Variants in DNM3 observed in about 807,000 individuals in gnomAD.
The protein encoded by DNM3 is dynamin 3, also known as dynamin-3.
A neutral mutation model predicts 101.6 loss-of-function variants in DNM3; 47 were observed. That is an observed-to-expected ratio of 0.46 (90% CI 0.37 to 0.59). DNM3 has a LOEUF of 0.59. DNM3 is among the 20% of genes least tolerant of loss of function. DNM3 has a pLI of 0.00. For missense variants in DNM3, 849 were observed against 1,085.7 expected, an observed-to-expected ratio of 0.78 and a Z score of 3.06; for synonymous variants, 385 against 387.9, an observed-to-expected ratio of 0.99 and a Z score of 0.09.
chr1:172,183,678 GCAGCCTC>G (rs2059421629), intron 14 of DNM3, among the ~76,000 whole-genome samples: 1 of 151,410 alleles, frequency 6.6e-6, no homozygotes, highest in Non-Finnish European at 1.5e-5. Flanking sequence ...ATGGCTTACT[GCAGCCTC>G]CACCTCCTGG....
intron 12 of DNM3, among the ~76,000 whole-genome samples, chr1:172,082,324 T>C (rs2053215938): frequency 6.7e-6 from 1 of 148,750 alleles, no homozygotes; most frequent in African/African-American, 2.5e-5. Context: ...TCTAGAGGCC[T>C]GTTTTTTTTT....
intron 4 of DNM3, among the ~76,000 whole-genome samples, chr1:172,021,756 A>T (rs1236310762): frequency 2.0e-5 from 3 of 152,212 alleles, no homozygotes; most frequent in African/African-American, 7.2e-5. Flanking sequence ...ACTAGGACCT[A>T]TCAATACTCA....
At chr1:171,928,555 G>A (rs1279456997) in intron 2 of DNM3, among the ~76,000 whole-genome samples, 7 of 152,088 alleles carry the variant, frequency 4.6e-5, no homozygotes, top group Admixed American at 2.6e-4. Context: ...AGGGTGTGTG[G>A]GACCCATGTG....
Position 172,304,206 on chromosome 1 carries a change from CAA to C in DNM3, c.1770-4507_1770-4506del, listed in dbSNP as rs575733774. On this transcript the variant is annotated intron_variant, in intron 15 of 20. Transcript: ENST00000627582. ...GAATATCTACCATGCAAAAGGAAAGCAAAAAAAAAAAAAAAACAGGAGTTGCA... is the reference window on the plus strand; with the variant it reads ...GAATATCTACCATGCAAAAGGAAAGCAAAAAAAAAAAAAACAGGAGTTGCA... Among the ~76,000 whole-genome samples the C allele has an allele frequency of 5.2e-4, 19 of 36,342 alleles. 1 individual carries two copies. Among genetic ancestry groups the C allele is most frequent in the Admixed American group, 1.6e-3 (6 of 3,808 alleles). 23.8% of individuals were successfully genotyped at this position (36,342 alleles called of 152,430 possible).
chr1:172,223,951 A>G (rs1296077438), intron 14 of DNM3, among the ~76,000 whole-genome samples: 1 of 152,174 alleles, frequency 6.6e-6, no homozygotes, highest in Non-Finnish European at 1.5e-5. Flanking sequence ...TCTTCTATCT[A>G]CACTATATTT....
At chr1:172,195,534 T>C (rs942981272) in intron 14 of DNM3, among the ~76,000 whole-genome samples, 2 of 151,916 alleles carry the variant, frequency 1.3e-5, no homozygotes, top group African/African-American at 4.8e-5. Context: ...TGTCTCACCA[T>C]TAAGTATGAT....
rs145975863 is a variant in DNM3, at chr1:172,031,103, A to G, written c.590-1299A>G. 7.0e-3 allele frequency among the ~76,000 whole-genome samples: 1,067 copies of G among 152,244 alleles called. 20 individuals are homozygous for G. The highest frequency in any genetic ancestry group is 0.024 in the African/African-American group (1,006 of 41,562). ...TTCTACTATAAAGACACATGCATAC[A>G]TATGTTTATTGATGCACTATTTATA... is the stretch of plus-strand genomic sequence containing the variant. On this transcript the variant is annotated intron_variant, in intron 4 of 20. Coordinates refer to ENST00000627582, the MANE Select transcript of DNM3 (RefSeq NM_015569.5).
intron 14 of DNM3, among the ~76,000 whole-genome samples, chr1:172,154,033 G>T (rs2058244933): frequency 6.6e-6 from 1 of 151,970 alleles, no homozygotes; most frequent in South Asian, 2.1e-4. Context: ...TTCGTTGCTT[G>T]TGACCTGCTG....
rs764019043 is a variant in DNM3, at chr1:172,038,416, A to T, written c.947A>T (p.Asn316Ile). The stretch of plus-strand genomic sequence containing the variant: ...GAACATGAAGTAGAAGCCTACAAAA[A>T]TTTCAAACCAGAAGACCCAACAAGG... The part of the protein sequence containing the change: ...SIEHEVEAYK[N>I]FKPEDPTRKT... Residue 316 changes from asparagine (N) to isoleucine (I), a missense_variant, in exon 7 of 21, where the codon AAT (asparagine) becomes ATT (isoleucine). Physicochemically the swap from Asn to Ile is moderately radical, Grantham distance 149 (BLOSUM62 -3). Transcript: ENST00000627582. The T allele has an allele frequency of 6.0e-5, 97 of 1,613,350 alleles. No homozygotes were observed. The highest frequency in any genetic ancestry group is 8.0e-5 in the Non-Finnish European group (94 of 1,179,552).
At chr1:172,079,084 T>A (rs925125179) in intron 11 of DNM3, among the ~76,000 whole-genome samples, 1 of 152,160 alleles carries the variant, frequency 6.6e-6, no homozygotes, top group Non-Finnish European at 1.5e-5. Context: ...GTGATTCTGA[T>A]GATTATGTGT....
At chr1:172,132,057 A>G (rs16843896) in intron 14 of DNM3, among the ~76,000 whole-genome samples, 1,959 of 152,286 alleles carry the variant, frequency 0.013, 30 homozygotes, top group South Asian at 0.066. Flanking sequence ...GTCTGACCTG[A>G]TAATCTTTTG....
intron 4 of DNM3, among the ~76,000 whole-genome samples, chr1:171,989,367 T>C (rs1484853523): frequency 6.6e-6 from 1 of 151,888 alleles, no homozygotes; most frequent in African/African-American, 2.4e-5. Flanking sequence ...GAAATTTATA[T>C]AGTCAAAATC....
chr1:172,041,995 T>A lies in DNM3; in HGVS notation c.993-14T>A. On this transcript the variant is annotated splice_polypyrimidine_tract_variant and intron_variant, in intron 7 of 20. Transcript: ENST00000627582. ...TAACTTTGACTTGAATCTATTTCTC[T>A]TTAACAATTACAGGATGGTTCAGCA... The A allele has an allele frequency of 6.4e-7, 1 of 1,568,768 alleles. No homozygotes were observed. Among genetic ancestry groups the A allele is most frequent in the Non-Finnish European group, 8.6e-7 (1 of 1,163,582 alleles).
intron 17 of DNM3, among the ~76,000 whole-genome samples, chr1:172,343,517 A>G (rs2066786824): frequency 6.6e-6 from 1 of 152,166 alleles, no homozygotes; most frequent in Non-Finnish European, 1.5e-5. Context: ...TACTTAGAGC[A>G]GTCAGTTCTC....
chr1:171,847,868 C>T (rs2032355396), intron 1 of DNM3, among the ~76,000 whole-genome samples: 1 of 144,466 alleles, frequency 6.9e-6, no homozygotes, highest in African/African-American at 2.6e-5. Context: ...TTCATTAATA[C>T]CATATTAATT....
chr1:172,399,633 T>C (rs560764653), intron 20 of DNM3, among the ~76,000 whole-genome samples: 1 of 152,296 alleles, frequency 6.6e-6, no homozygotes, highest in South Asian at 2.1e-4. Context: ...CTCTCTGTTT[T>C]TCTCTGTTTG....
intron 4 of DNM3, among the ~76,000 whole-genome samples, chr1:172,024,978 T>C (rs1399431174): frequency 6.6e-6 from 1 of 152,196 alleles, no homozygotes; most frequent in Non-Finnish European, 1.5e-5. Context: ...GAAAGGGGGC[T>C]GAAGCCAGGG....
At chr1:172,101,415 A>T (rs1247140380) in intron 13 of DNM3, among the ~76,000 whole-genome samples, 1 of 152,234 alleles carries the variant, frequency 6.6e-6, no homozygotes, top group East Asian at 1.9e-4. Context: ...CTGACACAGT[A>T]GAGTCACTGT....
Position 172,410,715 on chromosome 1 carries a change from A to G in DNM3, c.*2874A>G. The G allele has an allele frequency of 1.0e-6, 1 of 985,328 alleles. No homozygotes were observed. Among genetic ancestry groups the G allele is most frequent in the Non-Finnish European group, 1.2e-6 (1 of 829,822 alleles). The allele number at this position is 985,328 out of a possible 1,614,324, so 61.0% of individuals were successfully genotyped here. On this transcript the variant is annotated 3_prime_UTR_variant, in exon 21 of 21. Transcript: ENST00000627582. ...GGGTCTGTTTATTAGCAAATTTCCT[A>G]TTTGTTCCAATACAAACTCACTTTA...
Sources: gnomAD v4.1 joint callset for allele counts (sites outside exome capture counted in the v4.1 genomes callset) on GRCh38, gnomAD v4.1.1 for gene constraint, MANE v1.5 for transcripts, NCBI Gene and HGNC (gene_info 2026-07-23, HGNC 2026-07-21) for gene names.